The following PIAS2 variants were observed in gnomAD, a reference collection of about 807,000 sequenced individuals.
PIAS2 encodes the protein E3 SUMO-protein ligase PIAS2.
A neutral mutation model predicts 69.7 loss-of-function variants in PIAS2; 19 were observed. The observed-to-expected ratio is 0.27, with a 90% CI of 0.19 to 0.40. The LOEUF is 0.40. Ranked by LOEUF, PIAS2 falls within the 10% of genes least tolerant of loss-of-function variation. The pLI, the probability that PIAS2 is intolerant of heterozygous loss-of-function variation, is 1.00. For missense variants in PIAS2, 624 were observed against 757.0 expected, an observed-to-expected ratio of 0.82 and a Z score of 2.06; for synonymous variants, 261 against 263.2, an observed-to-expected ratio of 0.99 and a Z score of 0.08.
chr18:46,890,252 C>G (rs953897077), intron 2 of PIAS2, among the ~76,000 whole-genome samples: 4 of 152,180 alleles, frequency 2.6e-5, no homozygotes, highest in African/African-American at 9.7e-5. Context: ...GAAAAGAGTT[C>G]TGGAGATGGA....
At chr18:46,901,982 A>ATATT (rs2055931865) in intron 1 of PIAS2, among the ~76,000 whole-genome samples, 1 of 152,180 alleles carries the variant, frequency 6.6e-6, no homozygotes, top group African/African-American at 2.4e-5. Context: ...AAATAAAACT[A>ATATT]TATTTGTAGA....
rs1039318315 is a variant in PIAS2, at chr18:46,820,860, T to C, written c.1648+73A>G. On this transcript the variant is annotated intron_variant, in intron 12 of 13. Coordinates refer to ENST00000585916, the MANE Select transcript of PIAS2 (RefSeq NM_004671.5). ...TCTACTGAAAATTTCAAAACTATAC[T>C]GGCTTCACAGATTAAGATTAAAAAA... 1.3e-5 allele frequency: 19 copies of C among 1,440,466 alleles called. No individual in the cohort carries two copies. In the African/African-American group the frequency reaches 2.3e-4, roughly 18 times the overall value. 89.2% of individuals were successfully genotyped at this position (1,440,466 alleles called of 1,614,324 possible). A position where few individuals can be genotyped will look rare whatever the true frequency, so the allele number is the denominator to read the frequency against.
At chr18:46,875,193 G>A (rs1243002207) in intron 2 of PIAS2, among the ~76,000 whole-genome samples, 1 of 152,118 alleles carries the variant, frequency 6.6e-6, no homozygotes, top group East Asian at 1.9e-4. Flanking sequence ...ATCAAATGTA[G>A]ATAAGTATCT....
intron 2 of PIAS2, among the ~76,000 whole-genome samples, chr18:46,877,775 G>A (rs1362934713): frequency 6.6e-6 from 1 of 152,168 alleles, no homozygotes. Flanking sequence ...GGCCAAAAGT[G>A]CAAGCAGCAC....
intron 8 of PIAS2, among the ~76,000 whole-genome samples, chr18:46,837,479 T>A (rs1243918600): frequency 1.3e-5 from 2 of 152,206 alleles, no homozygotes; most frequent in African/African-American, 4.8e-5. Flanking sequence ...AGGCACTCTT[T>A]ATATAAGAAA....
At chr18:46,835,987 GTATC>G (rs1398783480) in intron 9 of PIAS2, among the ~76,000 whole-genome samples, 2 of 152,176 alleles carry the variant, frequency 1.3e-5, no homozygotes, top group Non-Finnish European at 2.9e-5. Context: ...AGCTATGTCT[GTATC>G]TACCCTATCA....
intron 2 of PIAS2, among the ~76,000 whole-genome samples, chr18:46,884,002 A>C (rs1338512265): frequency 6.6e-6 from 1 of 152,178 alleles, no homozygotes; most frequent in African/African-American, 2.4e-5. Flanking sequence ...TATAAAAAGA[A>C]CAAAAACAAA....
At chr18:46,828,598 C>A (rs145999972) in intron 10 of PIAS2, among the ~76,000 whole-genome samples, 10 of 152,246 alleles carry the variant, frequency 6.6e-5, no homozygotes, top group Non-Finnish European at 8.8e-5. Flanking sequence ...AGCAATTATG[C>A]TTATATCAAA....
intron 10 of PIAS2, among the ~76,000 whole-genome samples, chr18:46,829,111 G>A (rs991079407): frequency 2.0e-5 from 3 of 152,166 alleles, no homozygotes; most frequent in African/African-American, 7.2e-5. Flanking sequence ...AAGTTCACGT[G>A]TGGGTTTCAA....
upstream of PIAS2, among the ~76,000 whole-genome samples, chr18:46,919,548 C>T (rs1405511243): frequency 1.3e-5 from 2 of 151,734 alleles, no homozygotes; most frequent in Non-Finnish European, 2.9e-5. Context: ...ACTCGTGAGG[C>T]TGAGACAGGA....
rs2040853368 is a variant in PIAS2, at chr18:46,809,156, A to G, written c.*3277T>C. 6.6e-6 allele frequency: 1 copy of G among 152,198 alleles called. No individual in the cohort carries two copies. The highest frequency in any genetic ancestry group is 1.5e-5 in the Non-Finnish European group (1 of 68,036). The allele number at this position is 152,198 out of a possible 1,614,324, so 9.4% of individuals were successfully genotyped here. A position where few individuals can be genotyped will look rare whatever the true frequency, so the allele number is the denominator to read the frequency against. On this transcript the variant is annotated 3_prime_UTR_variant, in exon 14 of 14. Coordinates refer to ENST00000585916, the MANE Select transcript of PIAS2 (RefSeq NM_004671.5). Reference sequence around the variant, plus strand: ...GTTTTATACCAAGAATTATGAATCAACCTACACTTGCTATCCCTTACATCA... The same window carrying G: ...GTTTTATACCAAGAATTATGAATCAGCCTACACTTGCTATCCCTTACATCA...
intron 1 of PIAS2, among the ~76,000 whole-genome samples, chr18:46,912,507 G>C (rs1183561591): frequency 6.6e-6 from 1 of 152,090 alleles, no homozygotes; most frequent in African/African-American, 2.4e-5. Context: ...GTCATTCACA[G>C]ACATGAAGGG....
intron 2 of PIAS2, among the ~76,000 whole-genome samples, chr18:46,876,050 A>C (rs961594939): frequency 3.3e-5 from 5 of 152,196 alleles, no homozygotes; most frequent in African/African-American, 1.2e-4. Context: ...AGTGAGTTTA[A>C]GCCATTCCGA....
intron 3 of PIAS2, among the ~76,000 whole-genome samples, chr18:46,860,306 T>G (rs973583462): frequency 6.6e-6 from 1 of 152,174 alleles, no homozygotes; most frequent in African/African-American, 2.4e-5. Context: ...GGGAGAGAAG[T>G]AGTTAAATGA....
At chr18:46,869,793 G>A (rs2050055971) in intron 2 of PIAS2, among the ~76,000 whole-genome samples, 1 of 152,084 alleles carries the variant, frequency 6.6e-6, no homozygotes, top group African/African-American at 2.4e-5. Context: ...AGTCAAATGA[G>A]GATTGAATTT....
rs1184308297 is a variant in PIAS2 at position 46,806,888 on chromosome 18, C to G, written c.*5545G>C. ...AATAAAGCTTTTTAAAAAAGCCATT[C>G]AGAAATAGGAAGCAGTTTGGGAAAT... On this transcript the variant is annotated 3_prime_UTR_variant, in exon 14 of 14. Coordinates refer to ENST00000585916, the MANE Select transcript of PIAS2 (RefSeq NM_004671.5). 1 of 152,062 alleles carries G rather than the reference C, an allele frequency of 6.6e-6. No individual in the cohort carries two copies. The highest frequency in any genetic ancestry group is 1.5e-5 in the Non-Finnish European group (1 of 68,016). 9.4% of individuals were successfully genotyped at this position (152,062 alleles called of 1,614,324 possible).
intron 2 of PIAS2, among the ~76,000 whole-genome samples, chr18:46,874,254 A>G (rs796574543): frequency 1.3e-5 from 2 of 152,310 alleles, no homozygotes; most frequent in Admixed American, 6.5e-5. Flanking sequence ...AATGCCCCCA[A>G]TAGGTCGCCT....
At chr18:46,904,568 T>C (rs1484008417) in intron 1 of PIAS2, among the ~76,000 whole-genome samples, 1 of 152,042 alleles carries the variant, frequency 6.6e-6, no homozygotes, top group Non-Finnish European at 1.5e-5. Context: ...CTGGCCAACA[T>C]GGTGAAACAC....
rs1392984725 is a variant in PIAS2, at chr18:46,807,518, A to G, written c.*4915T>C. 6.8e-6 allele frequency: 1 copy of G among 147,446 alleles called. No individual in the cohort carries two copies. Among genetic ancestry groups the G allele is most frequent in the Non-Finnish European group, 1.5e-5 (1 of 67,312 alleles). The allele number at this position is 147,446 out of a possible 1,614,324, so 9.1% of individuals were successfully genotyped here. On this transcript the variant is annotated 3_prime_UTR_variant, in exon 14 of 14. Coordinates refer to ENST00000585916, the MANE Select transcript of PIAS2 (RefSeq NM_004671.5). ...GCGATTCTCCTGCCTCGGTCTCCCA[A>G]GTAGCTGGGACTACAGGCGCCTGCC...
Sources: allele counts gnomAD v4.1 joint callset (sites outside exome capture counted in the v4.1 genomes callset), GRCh38; gene constraint gnomAD v4.1.1; transcripts MANE v1.5; gene names NCBI Gene and HGNC (gene_info 2026-07-23, HGNC 2026-07-21).